HIVEP3: variants seen among roughly 807,000 people sequenced by gnomAD.
HIVEP3 encodes transcription factor HIVEP3.
Under a neutral mutation model 152.8 loss-of-function variants are expected in HIVEP3, and 49 were observed. That is an observed-to-expected ratio of 0.32 (90% CI 0.26 to 0.41). HIVEP3 has a LOEUF of 0.41. Ranked by LOEUF, HIVEP3 falls within the 10% of genes least tolerant of loss-of-function variation. HIVEP3 has a pLI of 1.00. For synonymous variants in HIVEP3, 1,269 were observed against 1,289.0 expected, an observed-to-expected ratio of 0.98 and a Z score of 0.33; for missense variants, 2,790 against 3,103.3, an observed-to-expected ratio of 0.90 and a Z score of 2.40.
chr1:41,759,106 C>T (rs557559332), intron 1 of HIVEP3, among the ~76,000 whole-genome samples: 1 of 151,894 alleles, frequency 6.6e-6, no homozygotes, highest in African/African-American at 2.4e-5. Context: ...CCCATTTCCC[C>T]CTTTCCAGCT....
chr1:42,021,452 G>C (rs1645553562), intron 1 of HIVEP3, among the ~76,000 whole-genome samples: 1 of 152,184 alleles, frequency 6.6e-6, no homozygotes, highest in South Asian at 2.1e-4. Context: ...GAGATTCTTA[G>C]GAAAGGAGCA....
chr1:41,956,189 G>A (rs1645139596), intron 1 of HIVEP3, among the ~76,000 whole-genome samples: 1 of 152,166 alleles, frequency 6.6e-6, no homozygotes, highest in Admixed American at 6.5e-5. Flanking sequence ...GCATCATACT[G>A]GATTTTCACT....
intron 2 of HIVEP3, among the ~76,000 whole-genome samples, chr1:41,677,762 C>T (rs144411717): frequency 9.2e-5 from 14 of 152,344 alleles, no homozygotes; most frequent in Middle Eastern, 3.4e-3. Context: ...TTGGCTGATG[C>T]GTCTGCTTCC....
At chr1:41,519,520 A>G (rs1371015289) in intron 6 of HIVEP3, among the ~76,000 whole-genome samples, 1 of 152,188 alleles carries the variant, frequency 6.6e-6, no homozygotes, top group Non-Finnish European at 1.5e-5. Flanking sequence ...CCAAACCGTG[A>G]TGTGCTCACT....
intron 1 of HIVEP3, among the ~76,000 whole-genome samples, chr1:41,917,456 G>A (rs1422084390): frequency 6.6e-6 from 1 of 152,120 alleles, no homozygotes; most frequent in Non-Finnish European, 1.5e-5. Context: ...CTCACCCAGC[G>A]ACCAGATCTG....
At chr1:41,836,895 T>G (rs895770155) in intron 1 of HIVEP3, among the ~76,000 whole-genome samples, 1 of 152,254 alleles carries the variant, frequency 6.6e-6, no homozygotes, top group East Asian at 1.9e-4. Flanking sequence ...GCATGAACTA[T>G]TGAAGTGGCA....
At chr1:41,532,246 G>A (rs1643282899) in intron 5 of HIVEP3, among the ~76,000 whole-genome samples, 1 of 150,082 alleles carries the variant, frequency 6.7e-6, no homozygotes. Flanking sequence ...GGAGATGGAG[G>A]ACAGGAGAGA....
intron 1 of HIVEP3, among the ~76,000 whole-genome samples, chr1:41,878,680 TTCCCTCC>T (rs1489184032): frequency 1.6e-4 from 23 of 142,546 alleles, no homozygotes; most frequent in African/African-American, 5.9e-4. Context: ...TCTCCCTCCC[TTCCCTCC>T]TCCCTCCTCC....
chr1:41,768,994 C>A (rs1324009338), intron 1 of HIVEP3, among the ~76,000 whole-genome samples: 1 of 152,210 alleles, frequency 6.6e-6, no homozygotes, highest in East Asian at 1.9e-4. Flanking sequence ...ATGAAGCCTG[C>A]CAATCTCATG....
At chr1:41,896,721 C>T (rs1310175583) in intron 1 of HIVEP3, among the ~76,000 whole-genome samples, 2 of 151,862 alleles carry the variant, frequency 1.3e-5, no homozygotes, top group African/African-American at 2.4e-5. Context: ...ACCACAAGTG[C>T]GTGCCACCAC....
chr1:41,677,583 A>G (rs1252322192), intron 2 of HIVEP3, among the ~76,000 whole-genome samples: 1 of 152,236 alleles, frequency 6.6e-6, no homozygotes, highest in African/African-American at 2.4e-5. Context: ...AATACGTGTT[A>G]GTTGAGCCTG....
At chr1:41,834,384 G>A (rs1477333826) in intron 1 of HIVEP3, among the ~76,000 whole-genome samples, 1 of 152,178 alleles carries the variant, frequency 6.6e-6, no homozygotes, top group Non-Finnish European at 1.5e-5. Context: ...CTGTCTGGCT[G>A]CCCCTTACCT....
intron 1 of HIVEP3, among the ~76,000 whole-genome samples, chr1:41,879,340 C>G (rs904765560): frequency 1.3e-5 from 2 of 152,220 alleles, no homozygotes; most frequent in Non-Finnish European, 2.9e-5. Context: ...ATCGTCCAGA[C>G]AGATCTCAAG....
At chr1:41,972,786 A>T (rs1304547677) in intron 1 of HIVEP3, among the ~76,000 whole-genome samples, 1 of 152,246 alleles carries the variant, frequency 6.6e-6, no homozygotes, top group Non-Finnish European at 1.5e-5. Context: ...GCCAAGGCAG[A>T]TGCTAAATAA....
At chr1:41,865,381 G>A (rs980548225) in intron 1 of HIVEP3, among the ~76,000 whole-genome samples, 4 of 152,158 alleles carry the variant, frequency 2.6e-5, no homozygotes, top group African/African-American at 9.7e-5. Flanking sequence ...GGGCAGCTGG[G>A]GCTGAATCCA....
intron 2 of HIVEP3, among the ~76,000 whole-genome samples, chr1:41,659,639 T>C (rs1234039064): frequency 6.6e-6 from 1 of 152,190 alleles, no homozygotes; most frequent in Non-Finnish European, 1.5e-5. Context: ...CTGCGGTCCT[T>C]GCCCTCACAG....
intron 3 of HIVEP3, among the ~76,000 whole-genome samples, chr1:41,593,161 C>A (rs1160985424): frequency 1.3e-5 from 2 of 152,192 alleles, no homozygotes; most frequent in African/African-American, 4.8e-5. Flanking sequence ...TGAAAAATTA[C>A]TTGAAAAATT....
intron 1 of HIVEP3, among the ~76,000 whole-genome samples, chr1:41,837,595 G>A (rs1643161758): frequency 6.6e-6 from 1 of 152,114 alleles, no homozygotes; most frequent in Non-Finnish European, 1.5e-5. Flanking sequence ...CAAAGTGCTG[G>A]GATTATAAGC....
chr1:41,668,306 G>A (rs1342471634), intron 2 of HIVEP3, among the ~76,000 whole-genome samples: 1 of 152,224 alleles, frequency 6.6e-6, no homozygotes, highest in Admixed American at 6.5e-5. Flanking sequence ...GAATGCTGCC[G>A]AAGACATGGG....
Sources: allele counts gnomAD v4.1 joint callset (sites outside exome capture counted in the v4.1 genomes callset), GRCh38; gene constraint gnomAD v4.1.1; transcripts MANE v1.5; gene names NCBI Gene and HGNC (gene_info 2026-07-23, HGNC 2026-07-21).